The following THSD7B variants were observed in gnomAD, a reference collection of about 807,000 sequenced individuals.
The protein encoded by THSD7B is thrombospondin type-1 domain-containing protein 7B.
THSD7B carries 138 observed loss-of-function variants against 213.6 expected under a neutral mutation model. That is an observed-to-expected ratio of 0.65 (90% CI 0.56 to 0.74). The LOEUF (loss-of-function observed/expected upper bound fraction) is 0.74. Ranked by LOEUF, THSD7B falls within the 30% of genes least tolerant of loss-of-function variation. THSD7B has a pLI of 0.00. For missense variants in THSD7B, 1,931 were observed against 1,991.5 expected, an observed-to-expected ratio of 0.97 and a Z score of 0.58; for synonymous variants, 742 against 687.0, an observed-to-expected ratio of 1.08 and a Z score of -1.25.
intron 17 of THSD7B, among the ~76,000 whole-genome samples, chr2:137,612,034 G>C (rs1423787289): frequency 3.3e-5 from 5 of 152,134 alleles, no homozygotes; most frequent in Non-Finnish European, 7.4e-5. Context: ...GATGCATATA[G>C]ATAATAAATT....
intron 2 of THSD7B, among the ~76,000 whole-genome samples, chr2:136,942,719 G>A (rs1011059700): frequency 5.3e-5 from 8 of 152,226 alleles, no homozygotes; most frequent in Non-Finnish European, 1.5e-5. Context: ...AGACTTTGCT[G>A]AAGTTGCTTA....
chr2:136,835,226 C>T (rs770102919), intron 1 of THSD7B, among the ~76,000 whole-genome samples: 25 of 152,274 alleles, frequency 1.6e-4, no homozygotes, highest in Non-Finnish European at 3.4e-4. Context: ...AAGAACACCT[C>T]TTTAAATTGA....
At chr2:137,099,945 G>A (rs566097045) in intron 4 of THSD7B, among the ~76,000 whole-genome samples, 2 of 152,176 alleles carry the variant, frequency 1.3e-5, no homozygotes, top group East Asian at 3.9e-4. Flanking sequence ...ATGGACTAGA[G>A]ATCCTTTAAA....
At chr2:137,395,314 C>G (rs986558906) in intron 12 of THSD7B, among the ~76,000 whole-genome samples, 1 of 149,490 alleles carries the variant, frequency 6.7e-6, no homozygotes, top group Non-Finnish European at 1.5e-5. Context: ...ATAGATAGCT[C>G]TTATTATTTT....
chr2:137,530,624 T>G (rs1207809144), intron 15 of THSD7B, among the ~76,000 whole-genome samples: 1 of 151,970 alleles, frequency 6.6e-6, no homozygotes, highest in Non-Finnish European at 1.5e-5. Flanking sequence ...GGCACACAAC[T>G]GCAGGCAAAA....
intron 9 of THSD7B, among the ~76,000 whole-genome samples, chr2:137,235,470 T>C (rs1290990480): frequency 6.6e-6 from 1 of 152,218 alleles, no homozygotes; most frequent in African/African-American, 2.4e-5. Context: ...GAATTGAGAC[T>C]GATACCAATT....
At chr2:136,997,677 C>G (rs1685920032) in intron 2 of THSD7B, among the ~76,000 whole-genome samples, 1 of 152,154 alleles carries the variant, frequency 6.6e-6, no homozygotes, top group Non-Finnish European at 1.5e-5. Context: ...ATTCTTGTGT[C>G]CTAGTTTCCT....
intron 1 of THSD7B, among the ~76,000 whole-genome samples, chr2:136,858,220 C>G (rs577093693): frequency 6.6e-6 from 1 of 152,186 alleles, no homozygotes; most frequent in South Asian, 2.1e-4. Context: ...AAATAGCATT[C>G]TAGTCTTGGG....
chr2:137,127,093 T>C (rs1008589690), intron 5 of THSD7B, among the ~76,000 whole-genome samples: 2 of 152,152 alleles, frequency 1.3e-5, no homozygotes, highest in Non-Finnish European at 2.9e-5. Context: ...TGTGAAATAA[T>C]GCAAGAATTA....
chr2:137,203,143 T>C lies in THSD7B; in HGVS notation c.1724-27901T>C, dbSNP rs1054452728. Among the ~76,000 whole-genome samples, 4 of 152,248 alleles carry C rather than the reference T, an allele frequency of 2.6e-5. No homozygotes were observed. The South Asian group carries it at 8.3e-4, about 32-fold the overall frequency. On this transcript the variant is annotated intron_variant, in intron 7 of 27. Transcript: ENST00000409968. ...CACAGCCAAAAACAGAAATCTGATG[T>C]AAAATTTTTAAATTGAGAATTCTCT...
At chr2:137,273,025 TACACACACACACACACAC>T (rs71877881) in intron 11 of THSD7B, among the ~76,000 whole-genome samples, 156 of 141,064 alleles carry the variant, frequency 1.1e-3, no homozygotes, top group Non-Finnish European at 2.0e-3. Context: ...GGAGAAGGAA[TACACACACACACACACAC>T]ACACACACAC....
intron 15 of THSD7B, among the ~76,000 whole-genome samples, chr2:137,507,401 G>T (rs1053937842): frequency 6.6e-6 from 1 of 152,092 alleles, no homozygotes; most frequent in East Asian, 1.9e-4. Context: ...ATAACTTTGG[G>T]GTTCGGTGAT....
chr2:137,040,407 T>G (rs1471880648), intron 2 of THSD7B, among the ~76,000 whole-genome samples: 1 of 151,900 alleles, frequency 6.6e-6, no homozygotes, highest in Non-Finnish European at 1.5e-5. Flanking sequence ...TTCTTTTTTT[T>G]TTTTGAGTTG....
intron 2 of THSD7B, among the ~76,000 whole-genome samples, chr2:137,031,259 C>T (rs1015130087): frequency 1.3e-5 from 2 of 152,098 alleles, no homozygotes; most frequent in African/African-American, 4.8e-5. Flanking sequence ...GCAGGAGAAT[C>T]ACTAAAACCT....
At chr2:137,228,714 C>A (rs1314102677) in intron 7 of THSD7B, among the ~76,000 whole-genome samples, 3 of 152,158 alleles carry the variant, frequency 2.0e-5, no homozygotes, top group African/African-American at 7.2e-5. Flanking sequence ...TGCCAATCCA[C>A]TGAATCACTA....
chr2:136,810,379 G>A (rs1338035650), intron 1 of THSD7B, among the ~76,000 whole-genome samples: 1 of 152,128 alleles, frequency 6.6e-6, no homozygotes, highest in Non-Finnish European at 1.5e-5. Context: ...GTCTCTATAC[G>A]ACTATAAAAG....
At chr2:137,058,999 T>C (rs150606909) in intron 3 of THSD7B, among the ~76,000 whole-genome samples, 50 of 152,294 alleles carry the variant, frequency 3.3e-4, no homozygotes, top group Admixed American at 1.6e-3. Flanking sequence ...AGACTAACTG[T>C]TATAAAAATA....
chr2:137,298,600 C>T (rs1044900262), intron 12 of THSD7B, among the ~76,000 whole-genome samples: 1 of 152,132 alleles, frequency 6.6e-6, no homozygotes. Flanking sequence ...AAAGAGGTTT[C>T]GTGGGCTGGG....
chr2:137,521,280 A>G (rs1008581594), intron 15 of THSD7B, among the ~76,000 whole-genome samples: 5 of 152,172 alleles, frequency 3.3e-5, no homozygotes, highest in Non-Finnish European at 5.9e-5. Context: ...AAATAAAACA[A>G]AACAGATATT....
Sources: allele counts gnomAD v4.1 joint callset (sites outside exome capture counted in the v4.1 genomes callset), GRCh38; gene constraint gnomAD v4.1.1; transcripts MANE v1.5; gene names NCBI Gene and HGNC (gene_info 2026-07-23, HGNC 2026-07-21).